RNLS: variants seen among roughly 807,000 people sequenced by gnomAD.
RNLS encodes the protein renalase, FAD dependent amine oxidase.
RNLS carries 39 observed loss-of-function variants against 39.8 expected under a neutral mutation model. The observed-to-expected ratio is 0.98, with a 90% CI of 0.76 to 1.28. The LOEUF (loss-of-function observed/expected upper bound fraction) is 1.28. RNLS is among the 50% of genes most tolerant of loss of function. The probability of loss-of-function intolerance (pLI) is 0.00; values close to 1 mark genes in which losing one functional copy is unlikely to be tolerated. For missense variants in RNLS, 410 were observed against 413.3 expected, an observed-to-expected ratio of 0.99 and a Z score of 0.07; for synonymous variants, 147 against 150.7, an observed-to-expected ratio of 0.98 and a Z score of 0.18.
chr10:88,346,168 T>C (rs1268787493), intron 5 of RNLS, among the ~76,000 whole-genome samples: 1 of 152,100 alleles, frequency 6.6e-6, no homozygotes. Flanking sequence ...TTTTCTAAGT[T>C]AAATATCTCA....
At chr10:88,314,308 T>G (rs756401832) in intron 6 of RNLS, among the ~76,000 whole-genome samples, 158 bp downstream of exon 6, 1 of 152,182 alleles carries the variant, frequency 6.6e-6, no homozygotes, top group Non-Finnish European at 1.5e-5. Flanking sequence ...ATAAAACCCA[T>G]AGAAGTTATA....
At chr10:88,447,502 T>C (rs1842108349) in intron 4 of RNLS, among the ~76,000 whole-genome samples, 1 of 151,924 alleles carries the variant, frequency 6.6e-6, no homozygotes, top group Non-Finnish European at 1.5e-5. Context: ...CTCAACGAAA[T>C]AAAAGAGGAC....
rs1033509536 is a variant in RNLS at position 88,451,747 on chromosome 10, A to C, written c.527-89022T>G. ...CCCCACCCATCAACCCTCAATATAC[A>C]CATATAAAACAAGTAACTTGACCCT... On this transcript the variant is annotated intron_variant, in intron 4 of 6. Transcript: ENST00000331772. Among the ~76,000 whole-genome samples the C allele has an allele frequency of 1.3e-5, 2 of 152,178 alleles. 1 individual carries two copies. The highest frequency in any genetic ancestry group is 2.9e-5 in the Non-Finnish European group (2 of 68,018).
chr10:88,399,573 G>C (rs1852789131), intron 4 of RNLS, among the ~76,000 whole-genome samples: 1 of 151,944 alleles, frequency 6.6e-6, no homozygotes, highest in Non-Finnish European at 1.5e-5. Flanking sequence ...ATCCAGAATA[G>C]GCAAATGCAT....
Position 88,468,415 on chromosome 10 carries a change from C to G in RNLS, c.526+104488G>C, listed in dbSNP as rs140859125. Among the ~76,000 whole-genome samples, 381 of 152,204 alleles carry G rather than the reference C, an allele frequency of 2.5e-3. 1 individual carries two copies. Among genetic ancestry groups the G allele is most frequent in the Admixed American group, 4.1e-3 (63 of 15,268 alleles). On this transcript the variant is annotated intron_variant, in intron 4 of 6. Transcript: ENST00000331772. ...GACTTTCAGTTATCCGGTAACCTAA[C>G]GAGAATGTATGTCAACTATGTTGAC... is the stretch of plus-strand genomic sequence containing the variant.
downstream of RNLS, chr10:88,273,829 C>A (rs57049143): frequency 8.0e-5 from 12 of 149,810 alleles, no homozygotes; most frequent in African/African-American, 3.0e-4. Context: ...TTTAGTCATT[C>A]AAAAAAAAAT....
At chr10:88,290,059 G>C (rs1843557940) in intron 6 of RNLS, among the ~76,000 whole-genome samples, 1 of 151,806 alleles carries the variant, frequency 6.6e-6, no homozygotes, top group African/African-American at 2.4e-5. Flanking sequence ...AAGTGCTTTT[G>C]GTGTGAAAAT....
At chr10:88,565,263 A>G (rs1274591727) in intron 4 of RNLS, among the ~76,000 whole-genome samples, 4 of 152,172 alleles carry the variant, frequency 2.6e-5, no homozygotes, top group East Asian at 1.9e-4. Flanking sequence ...ACTACAATAT[A>G]TATTTCACAC....
intron 4 of RNLS, among the ~76,000 whole-genome samples, chr10:88,378,047 G>GTCAATATCACT (rs1418020248): frequency 6.6e-6 from 1 of 151,674 alleles, no homozygotes; most frequent in Admixed American, 6.6e-5. Context: ...GGTATACACA[G>GTCAATATCACT]GGTCAGGGTC....
At chr10:88,250,081 A>G in the RNLS span, among the ~76,000 whole-genome samples, 3 of 152,292 alleles carry the variant, frequency 2.0e-5, no homozygotes, top group East Asian at 5.8e-4. Context: ...AAATTCCCCA[A>G]TTAGAGCTGG....
At chr10:88,461,738 GTA>G in intron 4 of RNLS, among the ~76,000 whole-genome samples, 2 of 152,156 alleles carry the variant, frequency 1.3e-5, no homozygotes, top group Middle Eastern at 6.8e-3. Context: ...AAAGTAGGAG[GTA>G]TGTTTGAATA....
chr10:88,287,200 C>T (rs1263591231), intron 6 of RNLS, among the ~76,000 whole-genome samples: 2 of 152,014 alleles, frequency 1.3e-5, no homozygotes, highest in African/African-American at 4.8e-5. Context: ...CCTGTTGAAC[C>T]TCTAAAGACA....
At chr10:88,214,251 T>C in the RNLS span, among the ~76,000 whole-genome samples, 2 of 152,248 alleles carry the variant, frequency 1.3e-5, no homozygotes, top group East Asian at 3.9e-4. Flanking sequence ...CATACCCGTC[T>C]CTGGACCACT....
chr10:88,276,393 GT>G (rs1842817517), intron 6 of RNLS, among the ~76,000 whole-genome samples: 1 of 151,970 alleles, frequency 6.6e-6, no homozygotes, highest in Admixed American at 6.6e-5. Context: ...CCTCTATATG[GT>G]TTTGGGGGAG....
chr10:88,207,886 C>T, the RNLS span, among the ~76,000 whole-genome samples: 2 of 152,120 alleles, frequency 1.3e-5, no homozygotes, highest in African/African-American at 4.8e-5. Context: ...TCCAGCCTCC[C>T]AGGGCCACAT....
the RNLS span, among the ~76,000 whole-genome samples, chr10:88,205,444 G>A: frequency 0.018 from 2,681 of 152,148 alleles, 89 homozygotes; most frequent in African/African-American, 0.06. Context: ...TTGAAGTTCC[G>A]CAGTAATGGA....
the RNLS span, among the ~76,000 whole-genome samples, chr10:88,234,889 A>G: frequency 6.6e-6 from 1 of 152,160 alleles, no homozygotes; most frequent in Non-Finnish European, 1.5e-5. Context: ...AGTCTTGCAG[A>G]TAAGTGAGAT....
At chr10:88,500,084 T>C (rs888213531) in intron 4 of RNLS, among the ~76,000 whole-genome samples, 5 of 152,160 alleles carry the variant, frequency 3.3e-5, no homozygotes, top group Non-Finnish European at 7.3e-5. Flanking sequence ...TGCCTCTAGT[T>C]AGTACACAAT....
chr10:88,507,115 T>A (rs569726761), intron 4 of RNLS, among the ~76,000 whole-genome samples: 2 of 152,288 alleles, frequency 1.3e-5, no homozygotes, highest in Admixed American at 6.6e-5. Context: ...ATTACTGCTA[T>A]GAAAATCACG....
Sources: gnomAD v4.1 joint callset for allele counts (sites outside exome capture counted in the v4.1 genomes callset) on GRCh38, gnomAD v4.1.1 for gene constraint, MANE v1.5 for transcripts, NCBI Gene and HGNC (gene_info 2026-07-23, HGNC 2026-07-21) for gene names.